PRKAR2A: variants seen among roughly 807,000 people sequenced by gnomAD.
PRKAR2A encodes cAMP-dependent protein kinase type II-alpha regulatory subunit.
PRKAR2A carries 29 observed loss-of-function variants against 51.9 expected under a neutral mutation model. That is an observed-to-expected ratio of 0.56 (90% CI 0.42 to 0.76). The LOEUF is 0.76. Ranked by LOEUF, PRKAR2A falls within the 30% of genes least tolerant of loss-of-function variation. PRKAR2A has a pLI of 0.00. For synonymous variants in PRKAR2A, 178 were observed against 186.2 expected, an observed-to-expected ratio of 0.96 and a Z score of 0.36; for missense variants, 445 against 512.1, an observed-to-expected ratio of 0.87 and a Z score of 1.26.
At chr3:48,803,283 A>G (rs943290453) in intron 2 of PRKAR2A, among the ~76,000 whole-genome samples, 1 of 152,186 alleles carries the variant, frequency 6.6e-6, no homozygotes, top group East Asian at 1.9e-4. Context: ...GGTGGTGCAC[A>G]CTTGTCGTCC....
At chr3:48,756,310 C>T in intron 9 of PRKAR2A, 69 bp downstream of exon 9, 17 of 1,388,088 alleles carry the variant, frequency 1.2e-5, no homozygotes, top group Non-Finnish European at 1.7e-5. Context: ...ATTCAACACA[C>T]TTCACATTAT....
At chr3:48,840,669 T>C (rs1176899466) in intron 1 of PRKAR2A, among the ~76,000 whole-genome samples, 2 of 128,204 alleles carry the variant, frequency 1.6e-5, no homozygotes, top group African/African-American at 5.7e-5. Context: ...CTCTGCCTCC[T>C]GGGTTCACGC....
chr3:48,847,183 G>T lies in PRKAR2A; in HGVS notation c.262+152C>A. On this transcript the variant is annotated intron_variant, in intron 1 of 10. Transcript: ENST00000265563. This position sits in a 1 kb window ranked among gnomAD's most constrained non-coding sequence, Gnocchi z 4.4. ...AAGTGGCGCACGCGGGCTCACGCCG[G>T]TGTCTCAGGGAAACGCTAGAAACGC... 2.0e-6 allele frequency: 2 copies of T among 988,618 alleles called. No homozygotes were observed. The highest frequency in any genetic ancestry group is 2.9e-6 in the Non-Finnish European group (2 of 690,662). 61.2% of individuals were successfully genotyped at this position (988,618 alleles called of 1,614,324 possible).
chr3:48,752,193 C>T lies in PRKAR2A; in HGVS notation c.1064G>A (p.Gly355Glu), dbSNP rs80024200. 2.5e-6 allele frequency: 4 copies of T among 1,613,674 alleles called. No individual in the cohort carries two copies. Among genetic ancestry groups the T allele is most frequent in the Admixed American group, 1.7e-5 (1 of 59,782 alleles). ...TTTCTTACCTAAGCATTTGACATCT[C>T]CAACTGCATAAGCTGAGGCAGCTCT... ...KPRAASAYAV[G>E]DVKCLVMDVQ... The change falls in exon 10 of 11, where the codon GGA (glycine) becomes GAA (glutamate). Residue 355 changes from glycine (G) to glutamate (E), a missense_variant. Coordinates refer to ENST00000265563, the MANE Select transcript of PRKAR2A (RefSeq NM_004157.4).
intron 1 of PRKAR2A, among the ~76,000 whole-genome samples, chr3:48,813,475 A>C (rs553046832): frequency 1.3e-5 from 2 of 152,196 alleles, no homozygotes; most frequent in Non-Finnish European, 2.9e-5. Flanking sequence ...GCGGCGGATC[A>C]CGAGGTCAGG....
chr3:48,821,211 T>A (rs984174820), intron 1 of PRKAR2A, among the ~76,000 whole-genome samples: 8 of 152,130 alleles, frequency 5.3e-5, no homozygotes, highest in Admixed American at 2.6e-4. Flanking sequence ...AAGTCAGAGA[T>A]GACACAGAGC....
At chr3:48,835,518 G>A (rs1349014603) in intron 1 of PRKAR2A, among the ~76,000 whole-genome samples, 6 of 151,850 alleles carry the variant, frequency 4.0e-5, no homozygotes, top group Non-Finnish European at 7.4e-5. Flanking sequence ...GCAGACGCCT[G>A]TAGTCCCAGC....
chr3:48,807,017 C>T (rs1040502353), intron 2 of PRKAR2A, among the ~76,000 whole-genome samples: 8 of 152,132 alleles, frequency 5.3e-5, no homozygotes, highest in African/African-American at 1.7e-4. Context: ...GTGATCCACC[C>T]GCCAAGACCT....
intron 1 of PRKAR2A, among the ~76,000 whole-genome samples, chr3:48,827,864 A>AT (rs551221162): frequency 5.9e-4 from 90 of 151,362 alleles, no homozygotes; most frequent in Admixed American, 2.3e-3. Context: ...ATAAACCTTA[A>AT]TTTTTTTTTG....
chr3:48,799,259 T>C (rs1261775903), intron 2 of PRKAR2A, among the ~76,000 whole-genome samples: 1 of 152,108 alleles, frequency 6.6e-6, no homozygotes, highest in African/African-American at 2.4e-5. Context: ...AAGATTAAAA[T>C]AGCAACACAG....
At chr3:48,837,048 A>G (rs951496703) in intron 1 of PRKAR2A, among the ~76,000 whole-genome samples, 1 of 152,098 alleles carries the variant, frequency 6.6e-6, no homozygotes, top group Non-Finnish European at 1.5e-5. Flanking sequence ...GGATCGCTTG[A>G]GCCTGCAAGG....
chr3:48,827,808 C>T (rs768154641), intron 1 of PRKAR2A, among the ~76,000 whole-genome samples: 31 of 152,062 alleles, frequency 2.0e-4, no homozygotes, highest in Admixed American at 5.9e-4. Context: ...ATAAAAAATA[C>T]GTTTTTTCTT....
chr3:48,839,499 T>A (rs2083342691), intron 1 of PRKAR2A, among the ~76,000 whole-genome samples: 1 of 152,102 alleles, frequency 6.6e-6, no homozygotes, highest in South Asian at 2.1e-4. Context: ...ATTGTTTGTA[T>A]GCAGCTACAG....
At chr3:48,782,895 C>A in intron 5 of PRKAR2A, 91 bp downstream of exon 5, 2 of 949,646 alleles carry the variant, frequency 2.1e-6, no homozygotes, top group Non-Finnish European at 3.3e-6. Flanking sequence ...CTTAGCCTCT[C>A]TGGGCTGAAT....
intron 1 of PRKAR2A, among the ~76,000 whole-genome samples, chr3:48,827,011 G>T (rs1243516722): frequency 6.6e-6 from 1 of 152,138 alleles, no homozygotes; most frequent in African/African-American, 2.4e-5. Context: ...TCTGAAGTAA[G>T]AGCAGTCTTG....
intron 1 of PRKAR2A, among the ~76,000 whole-genome samples, chr3:48,838,712 C>A (rs2083326081): frequency 1.3e-5 from 2 of 152,020 alleles, no homozygotes; most frequent in Admixed American, 6.6e-5. Context: ...GGCGCGATGG[C>A]TCATGCCTGT....
chr3:48,846,738 T>C (rs2083469331), intron 1 of PRKAR2A, among the ~76,000 whole-genome samples: 1 of 152,192 alleles, frequency 6.6e-6, no homozygotes, highest in African/African-American at 2.4e-5. Flanking sequence ...GGGACCATGT[T>C]TGAAGAAATA....
At chr3:48,767,192 T>C (rs1024009460) in intron 6 of PRKAR2A, among the ~76,000 whole-genome samples, 3 of 152,222 alleles carry the variant, frequency 2.0e-5, no homozygotes, top group African/African-American at 7.2e-5. Flanking sequence ...GAAAGTATAA[T>C]AATGGGCTGG....
chr3:48,760,188 C>A (rs1253017869), intron 8 of PRKAR2A, among the ~76,000 whole-genome samples: 1 of 151,898 alleles, frequency 6.6e-6, no homozygotes, highest in Non-Finnish European at 1.5e-5. Context: ...ACCCTGTTCT[C>A]TACTAAAAAT....
Sources: gnomAD v4.1 joint callset for allele counts (sites outside exome capture counted in the v4.1 genomes callset) on GRCh38, gnomAD v4.1.1 for gene constraint, Gnocchi (gnomAD v3.1) non-coding constraint, MANE v1.5 for transcripts, NCBI Gene and HGNC (gene_info 2026-07-23, HGNC 2026-07-21) for gene names.